The following COL28A1 variants were observed in gnomAD, a reference collection of about 807,000 sequenced individuals.
COL28A1 encodes collagen alpha-1(XXVIII) chain.
COL28A1 carries 161 observed loss-of-function variants against 150.2 expected under a neutral mutation model. That is an observed-to-expected ratio of 1.07 (90% CI 0.94 to 1.22). COL28A1 has a LOEUF of 1.22. COL28A1 is among the 50% of genes most tolerant of loss of function. COL28A1 has a pLI of 0.00. For synonymous variants in COL28A1, 552 were observed against 469.7 expected (o/e 1.18, Z -2.26); for missense variants, 1,617 against 1,388.3 (o/e 1.16, Z -2.62).
chr7:7,472,050 C>G (rs566797488), intron 15 of COL28A1, among the ~76,000 whole-genome samples: 2 of 152,240 alleles, frequency 1.3e-5, no homozygotes, highest in South Asian at 4.2e-4. Flanking sequence ...CTATGACAAA[C>G]CCATAGCCAA....
In COL28A1 at chr7:7,531,330, A is replaced by C. The variant is rs1782338783; in HGVS notation, c.681+18T>G. On this transcript the variant is annotated intron_variant, in intron 3 of 34. Coordinates refer to ENST00000399429, the MANE Select transcript of COL28A1 (RefSeq NM_001037763.3). ...ATATTATGATGATAACTGTATAATCAACCCATTAGGTACCTACCAGACGAT... is the reference window on the plus strand; with the variant it reads ...ATATTATGATGATAACTGTATAATCCACCCATTAGGTACCTACCAGACGAT... 1 of 1,083,502 alleles carries C rather than the reference A, an allele frequency of 9.2e-7. No homozygotes were observed. Among genetic ancestry groups the C allele is most frequent in the African/African-American group, 1.6e-5 (1 of 63,554 alleles). The allele number at this position is 1,083,502 out of a possible 1,614,324, so 67.1% of individuals were successfully genotyped here.
chr7:7,481,311 A>C (rs912598527), intron 13 of COL28A1, among the ~76,000 whole-genome samples: 1 of 152,196 alleles, frequency 6.6e-6, no homozygotes, highest in African/African-American at 2.4e-5. Context: ...CAGTGATCCA[A>C]AGTGTAATTA....
At chr7:7,506,931 G>C (rs1171132531) in intron 10 of COL28A1, among the ~76,000 whole-genome samples, 186 bp downstream of exon 10, 1 of 152,140 alleles carries the variant, frequency 6.6e-6, no homozygotes, top group African/African-American at 2.4e-5. Context: ...GAAAACATTA[G>C]GGAAGTTGTT....
intron 13 of COL28A1, among the ~76,000 whole-genome samples, chr7:7,488,646 T>A (rs963128042): frequency 2.0e-5 from 3 of 152,220 alleles, no homozygotes; most frequent in African/African-American, 7.2e-5. Flanking sequence ...ATAAAAGAGA[T>A]GCTGTGAATA....
At chr7:7,402,993 A>G (rs1783296908) in intron 27 of COL28A1, among the ~76,000 whole-genome samples, 1 of 152,224 alleles carries the variant, frequency 6.6e-6, no homozygotes, top group African/African-American at 2.4e-5. Flanking sequence ...CACAATAAAC[A>G]AGACATCTAC....
intron 15 of COL28A1, among the ~76,000 whole-genome samples, chr7:7,471,499 C>T (rs1176316343): frequency 6.6e-6 from 1 of 152,138 alleles, no homozygotes; most frequent in Non-Finnish European, 1.5e-5. Context: ...AATCCAACAA[C>T]GTATCAAAAA....
chr7:7,390,255 G>C (rs1370780837), intron 27 of COL28A1, among the ~76,000 whole-genome samples: 4 of 152,120 alleles, frequency 2.6e-5, no homozygotes, highest in Non-Finnish European at 5.9e-5. Context: ...ACAATCATGT[G>C]GTTTTTGTCA....
Position 7,373,304 on chromosome 7 carries a change from T to A in COL28A1, c.2602A>T (p.Met868Leu). ...KDDFKLAVDN[M>L]QYLGEGTYTA... is the part of the protein sequence containing the mutation. Reference sequence around the variant, plus strand: ...TATGTGCCTTCCCCCAGATACTGCATGTTGTCCACAGCCAACTTGAAGTCA... The same window carrying A: ...TATGTGCCTTCCCCCAGATACTGCAAGTTGTCCACAGCCAACTTGAAGTCA... The change falls in exon 32 of 35, where the codon ATG (methionine) becomes TTG (leucine). Residue 868 changes from methionine (M) to leucine (L), a missense_variant. Coordinates refer to ENST00000399429, the MANE Select transcript of COL28A1 (RefSeq NM_001037763.3). The surrounding 1 kb of genome is among the most constrained non-coding windows in gnomAD (Gnocchi z 4.1). The A allele has an allele frequency of 1.9e-6, 3 of 1,614,208 alleles. No homozygotes were observed. The highest frequency in any genetic ancestry group is 2.5e-6 in the Non-Finnish European group (3 of 1,180,032).
chr7:7,462,056 CTG>C (rs1489178427), intron 15 of COL28A1, among the ~76,000 whole-genome samples: 5 of 152,176 alleles, frequency 3.3e-5, no homozygotes, highest in African/African-American at 1.2e-4. Flanking sequence ...TCATAGGACT[CTG>C]TGCAAACAGC....
At chr7:7,472,767 C>G (rs1278605863) in intron 15 of COL28A1, among the ~76,000 whole-genome samples, 1 of 152,164 alleles carries the variant, frequency 6.6e-6, no homozygotes, top group African/African-American at 2.4e-5. Context: ...TACCTGATTT[C>G]AAACTACACT....
intron 27 of COL28A1, among the ~76,000 whole-genome samples, chr7:7,407,945 A>T (rs938858612): frequency 6.6e-6 from 1 of 152,186 alleles, no homozygotes. Flanking sequence ...TTCAGATAAT[A>T]AAAGACTTTA....
downstream of COL28A1, among the ~76,000 whole-genome samples, chr7:7,355,850 A>G (rs1425268183): frequency 6.6e-6 from 1 of 152,176 alleles, no homozygotes; most frequent in Non-Finnish European, 1.5e-5. Flanking sequence ...TACCCCAGAA[A>G]AACACTGATG....
Position 7,481,793 on chromosome 7 carries a change from T to C in COL28A1, c.1165-4613A>G, listed in dbSNP as rs572851240. On this transcript the variant is annotated intron_variant, in intron 13 of 34. Coordinates refer to ENST00000399429, the MANE Select transcript of COL28A1 (RefSeq NM_001037763.3). Reference sequence around the variant, plus strand: ...TTGCAAGCATTAGAGATAAATATGCTAATAATAATAGTAACTGTCCATTAT... The same window carrying C: ...TTGCAAGCATTAGAGATAAATATGCCAATAATAATAGTAACTGTCCATTAT... Among the ~76,000 whole-genome samples, 175 of 152,334 alleles carry C rather than the reference T, an allele frequency of 1.1e-3. 1 individual carries two copies. The highest frequency in any genetic ancestry group is 3.9e-3 in the African/African-American group (164 of 41,580).
intron 11 of COL28A1, among the ~76,000 whole-genome samples, chr7:7,501,040 T>C (rs1780494145): frequency 6.6e-6 from 1 of 152,224 alleles, no homozygotes; most frequent in Admixed American, 6.5e-5. Flanking sequence ...ACCATATCCA[T>C]TTATTAAACT....
chr7:7,430,386 CA>C (rs1784895543), intron 25 of COL28A1, among the ~76,000 whole-genome samples: 1 of 152,138 alleles, frequency 6.6e-6, no homozygotes, highest in South Asian at 2.1e-4. Context: ...CTCAGCCTCC[CA>C]AAGTGCTGGA....
Position 7,489,459 on chromosome 7 carries a change from T to C in COL28A1, c.1096-2A>G. ...TCTTCCTTCTTGGCCTCTTTCTCCCTAAGAGAAAGAAATAATAGAATGAAA... is the reference window on the plus strand; with the variant it reads ...TCTTCCTTCTTGGCCTCTTTCTCCCCAAGAGAAAGAAATAATAGAATGAAA... On this transcript the variant is annotated splice_acceptor_variant, in intron 12 of 34. Coordinates refer to ENST00000399429, the MANE Select transcript of COL28A1 (RefSeq NM_001037763.3). LOFTEE classifies it high-confidence loss of function. 1 of 1,274,044 alleles carries C rather than the reference T, an allele frequency of 7.8e-7. No homozygotes were observed. The highest frequency in any genetic ancestry group is 1.2e-6 in the Non-Finnish European group (1 of 869,164). 78.9% of individuals were successfully genotyped at this position (1,274,044 alleles called of 1,614,324 possible). A position where few individuals can be genotyped will look rare whatever the true frequency, so the allele number is the denominator to read the frequency against.
At chr7:7,353,043 G>GCAT (rs1459688397), downstream of COL28A1, among the ~76,000 whole-genome samples, 3 of 152,194 alleles carry the variant, frequency 2.0e-5, no homozygotes, top group African/African-American at 7.2e-5. Flanking sequence ...GTTACATTGT[G>GCAT]CATCAGCCAG....
At chr7:7,493,365 C>T (rs147769551) in intron 11 of COL28A1, among the ~76,000 whole-genome samples, 6 of 152,194 alleles carry the variant, frequency 3.9e-5, no homozygotes, top group Non-Finnish European at 8.8e-5. Context: ...TGGTCATTAC[C>T]TTGAAATGTA....
At chr7:7,420,114 A>G (rs1346524527) in intron 25 of COL28A1, 161 bp from the exon 26 acceptor site, 1 of 418,198 alleles carries the variant, frequency 2.4e-6, no homozygotes, top group African/African-American at 2.0e-5. Flanking sequence ...GGCAATCTTC[A>G]AACCAACAGA....
Sources: gnomAD v4.1 joint callset for allele counts (sites outside exome capture counted in the v4.1 genomes callset) on GRCh38, gnomAD v4.1.1 for gene constraint, Gnocchi (gnomAD v3.1) non-coding constraint, MANE v1.5 for transcripts, NCBI Gene and HGNC (gene_info 2026-07-23, HGNC 2026-07-21) for gene names.